SLC25A26: variants seen among roughly 807,000 people sequenced by gnomAD.
The protein encoded by SLC25A26 is mitochondrial S-adenosylmethionine carrier protein.
In SLC25A26, 36 loss-of-function variants were observed where a neutral mutation model predicts 37.8. The observed-to-expected ratio is 0.95, with a 90% CI of 0.73 to 1.26. The LOEUF is 1.26. Ranked by LOEUF, SLC25A26 falls within the 50% of genes most tolerant of loss-of-function variation. SLC25A26 has a pLI of 0.00. For missense variants in SLC25A26, 390 were observed against 331.1 expected, an observed-to-expected ratio of 1.18 and a Z score of -1.38; for synonymous variants, 129 against 122.5, an observed-to-expected ratio of 1.05 and a Z score of -0.35.
In SLC25A26 at chr3:66,262,055, C is replaced by A; in HGVS notation, c.305C>A (p.Ala102Asp). Residue 102 changes from alanine to aspartate, a missense_variant, in exon 4 of 10, where the codon GCC (alanine) becomes GAC (aspartate). Ala to Asp is a moderately radical substitution (Grantham distance 126). Coordinates refer to ENST00000354883, the MANE Select transcript of SLC25A26 (RefSeq NM_001379210.1). ...ATAATCAAATTTGTCTTTTAGGTTG[C>A]CTGCCTGATTCGAGTTCCATCTGAA... ...MLAASAGEVV[A>D]CLIRVPSEVV... The A allele has an allele frequency of 6.4e-7, 1 of 1,564,562 alleles. No homozygotes were observed.
intron 7 of SLC25A26, among the ~76,000 whole-genome samples, chr3:66,368,374 T>C (rs957860172): frequency 1.3e-5 from 2 of 152,182 alleles, no homozygotes; most frequent in Non-Finnish European, 2.9e-5. Context: ...ACCATAAACT[T>C]GGTTTATGTT....
chr3:66,345,721 AAC>A (rs1455349984), intron 5 of SLC25A26, among the ~76,000 whole-genome samples: 1 of 151,904 alleles, frequency 6.6e-6, no homozygotes, highest in Non-Finnish European at 1.5e-5. Flanking sequence ...TTTAAATCCT[AAC>A]ACTGCCTGCT....
intron 1 of SLC25A26, among the ~76,000 whole-genome samples, chr3:66,226,485 T>C (rs1277285724): frequency 2.0e-5 from 3 of 150,996 alleles, no homozygotes; most frequent in Non-Finnish European, 4.4e-5. Flanking sequence ...TCTTTTCTTT[T>C]TTTTTTGAGA....
intron 7 of SLC25A26, among the ~76,000 whole-genome samples, chr3:66,367,362 A>C (rs2076845851): frequency 6.6e-6 from 1 of 152,124 alleles, no homozygotes; most frequent in African/African-American, 2.4e-5. Context: ...GCACTAAGTA[A>C]AATCTTCAAG....
intron 5 of SLC25A26, among the ~76,000 whole-genome samples, chr3:66,319,462 A>C (rs1006347140): frequency 1.3e-5 from 2 of 152,144 alleles, no homozygotes; most frequent in Non-Finnish European, 2.9e-5. Flanking sequence ...TTTTCTTATG[A>C]CTGGGGGAAA....
intron 3 of SLC25A26, among the ~76,000 whole-genome samples, chr3:66,254,446 C>T (rs1331048873): frequency 6.6e-6 from 1 of 152,174 alleles, no homozygotes; most frequent in African/African-American, 2.4e-5. Flanking sequence ...ACTAATTTGC[C>T]ACTTTGAGTT....
chr3:66,296,431 A>G (rs929878720), intron 5 of SLC25A26, among the ~76,000 whole-genome samples: 1 of 152,352 alleles, frequency 6.6e-6, no homozygotes, highest in Non-Finnish European at 1.5e-5. Flanking sequence ...CTTTATTTTT[A>G]AAAATAAACT....
At position 66,318,612 on chromosome 3, in the gene SLC25A26, C is replaced by T. The variant is rs59626442; in HGVS notation, c.454-27752C>T. On this transcript the variant is annotated intron_variant, in intron 5 of 9. Coordinates refer to ENST00000354883, the MANE Select transcript of SLC25A26 (RefSeq NM_001379210.1). ...TGGAAGCCACAGAGCAGAGCTGTTT[C>T]TGTTCAGCCATCTTGGCTGCACCTG... Among the ~76,000 whole-genome samples the T allele has an allele frequency of 4.5e-3, 691 of 152,058 alleles. 9 individuals carry two copies. Among genetic ancestry groups the T allele is most frequent in the African/African-American group, 0.016 (649 of 41,512 alleles).
chr3:66,240,301 T>C (rs2072511629), intron 2 of SLC25A26, among the ~76,000 whole-genome samples: 1 of 152,114 alleles, frequency 6.6e-6, no homozygotes, highest in African/African-American at 2.4e-5. Context: ...TACATTTTTT[T>C]CCCCCTGAGA....
chr3:66,337,019 A>T (rs1175826802), intron 5 of SLC25A26, among the ~76,000 whole-genome samples: 1 of 152,146 alleles, frequency 6.6e-6, no homozygotes, highest in East Asian at 1.9e-4. Flanking sequence ...TGATACCATA[A>T]TTGCACTGTA....
chr3:66,251,532 G>A (rs917114356), intron 3 of SLC25A26, among the ~76,000 whole-genome samples: 2 of 152,156 alleles, frequency 1.3e-5, no homozygotes, highest in African/African-American at 2.4e-5. Context: ...TTGCCAGTGG[G>A]CCCAGCCATC....
intron 5 of SLC25A26, among the ~76,000 whole-genome samples, chr3:66,299,932 A>G (rs916106758): frequency 6.6e-6 from 1 of 152,186 alleles, no homozygotes; most frequent in African/African-American, 2.4e-5. Context: ...AATCCAGTTA[A>G]AAATAATAGT....
Position 66,199,482 on chromosome 3 carries a change from C to T in SLC25A26, c.-353-21260C>T, listed in dbSNP as rs2071084079. ...CTTTGAACGTTGACTCTTACTTGTC[C>T]CCATTGACCATGACCCTGACAGTGA... On this transcript the variant is annotated intron_variant, in intron 1 of 10. Transcript: ENST00000676754. Among the ~76,000 whole-genome samples the T allele has an allele frequency of 3.3e-5, 5 of 152,120 alleles. No individual in the cohort carries two copies. The South Asian group carries it at 1.0e-3, about 32-fold the overall frequency.
intron 1 of SLC25A26, among the ~76,000 whole-genome samples, chr3:66,213,770 G>GT (rs2071320225): frequency 6.6e-6 from 1 of 151,844 alleles, no homozygotes; most frequent in Non-Finnish European, 1.5e-5. Flanking sequence ...AAAATTCTCT[G>GT]TGCTTCACCT....
At chr3:66,179,303 A>C (rs1378035767) in intron 1 of SLC25A26, among the ~76,000 whole-genome samples, 1 of 152,190 alleles carries the variant, frequency 6.6e-6, no homozygotes, top group Non-Finnish European at 1.5e-5. Context: ...ATGTTTCTCC[A>C]GATGTTTTTT....
intron 1 of SLC25A26, among the ~76,000 whole-genome samples, chr3:66,204,074 C>T (rs1180456104): frequency 6.6e-6 from 1 of 152,114 alleles, no homozygotes; most frequent in Non-Finnish European, 1.5e-5. Flanking sequence ...AGATAATTGA[C>T]CTAATGATGC....
intron 1 of SLC25A26, among the ~76,000 whole-genome samples, chr3:66,141,652 A>AGCTATCCACCACACC (rs1438450782): frequency 6.6e-6 from 1 of 152,076 alleles, no homozygotes; most frequent in Non-Finnish European, 1.5e-5. Context: ...AGCTGGGATT[A>AGCTATCCACCACACC]CAGGCATATG....
chr3:66,243,138 A>T, intron 2 of SLC25A26, 65 bp from the exon 3 acceptor site: 1 of 742,408 alleles, frequency 1.3e-6, no homozygotes, highest in South Asian at 1.7e-5. Flanking sequence ...TTTGAGAAAC[A>T]TGTTTCTTAA....
At chr3:66,192,572 A>T (rs1048843905) in intron 1 of SLC25A26, among the ~76,000 whole-genome samples, 21,305 of 152,132 alleles carry the variant, frequency 0.14, 1,906 homozygotes, top group African/African-American at 0.25. Flanking sequence ...AGAGCAAAGG[A>T]GAATGAATCT....
Sources: gnomAD v4.1 joint callset for allele counts (sites outside exome capture counted in the v4.1 genomes callset) on GRCh38, gnomAD v4.1.1 for gene constraint, MANE v1.5 for transcripts, NCBI Gene and HGNC (gene_info 2026-07-23, HGNC 2026-07-21) for gene names.